Variants in TNFSF15 observed in about 807,000 individuals in gnomAD.
TNFSF15 encodes tumor necrosis factor ligand superfamily member 15.
Under a neutral mutation model 26.4 loss-of-function variants are expected in TNFSF15, and 15 were observed. That is an observed-to-expected ratio of 0.57 (90% CI 0.38 to 0.87). The LOEUF (loss-of-function observed/expected upper bound fraction) is 0.87. Among genes scored for constraint, TNFSF15 ranks in the 40% least tolerant of loss-of-function variants. The pLI is 0.00. For missense variants in TNFSF15, 290 were observed against 306.1 expected (o/e 0.95, Z 0.39); for synonymous variants, 116 against 115.0 (o/e 1.01, Z -0.06).
At position 114,790,697 on chromosome 9, in the gene TNFSF15, G is replaced by C; in HGVS notation, c.511C>G (p.Pro171Ala). 1 of 1,614,076 alleles carries C rather than the reference G, an allele frequency of 6.2e-7. No individual in the cohort carries two copies. ...ECSEIRQAGR[P>A]NKPDSITVVI... is the part of the protein sequence containing the mutation. ...ACAGTGATGGAGTCTGGCTTGTTTG[G>C]TCGGCCTGCTTGTCTGATTTCACTG... Residue 171 changes from proline to alanine, a missense_variant, in exon 4 of 4, where the codon CCA (proline) becomes GCA (alanine). Transcript: ENST00000374045.
Position 114,790,650 on chromosome 9 carries a change from G to C in TNFSF15, c.558C>G (p.Asp186Glu), listed in dbSNP as rs750502102. The change falls in exon 4 of 4, where the codon GAC (aspartate) becomes GAG (glutamate). Residue 186 changes from aspartate (D) to glutamate (E), a missense_variant. Physicochemically the swap from Asp to Glu is conservative, Grantham distance 45. Around this residue, in one of 3 missense-constraint regions of TNFSF15, gnomAD observed 102 missense variants for 114.7 expected, o/e 0.89. Transcript: ENST00000374045. ...SITVVITKVTDSYPEPTQLLM... is the reference protein window; with the variant it reads ...SITVVITKVTESYPEPTQLLM... ...GGAGCTGGGTTGGCTCAGGGTAGCT[G>C]TCTGTTACCTTGGTGATGACCACAG... 1 of 1,614,068 alleles carries C rather than the reference G, an allele frequency of 6.2e-7. No homozygotes were observed. Among genetic ancestry groups the C allele is most frequent in the Non-Finnish European group, 8.5e-7 (1 of 1,180,002 alleles).
Position 114,790,663 on chromosome 9 carries a change from G to T in TNFSF15, c.545C>A (p.Thr182Asn), listed in dbSNP as rs149700202. 3 of 1,614,046 alleles carry T rather than the reference G, an allele frequency of 1.9e-6. No homozygotes were observed. The highest frequency in any genetic ancestry group is 2.5e-6 in the Non-Finnish European group (3 of 1,180,004). The stretch of plus-strand genomic sequence containing the variant: ...CTCAGGGTAGCTGTCTGTTACCTTG[G>T]TGATGACCACAGTGATGGAGTCTGG... ...NKPDSITVVI[T>N]KVTDSYPEPT... Residue 182 changes from threonine (T) to asparagine (N), a missense_variant, in exon 4 of 4, where the codon ACC becomes AAC. Transcript: ENST00000374045.
intron 1 of TNFSF15, among the ~76,000 whole-genome samples, chr9:114,801,344 G>C (rs1829745003): frequency 6.6e-6 from 1 of 152,206 alleles, no homozygotes. Context: ...CTACAGGGCT[G>C]TCAAGTGCAG....
chr9:114,805,350 A>G (rs1829806461), intron 1 of TNFSF15, among the ~76,000 whole-genome samples: 1 of 152,206 alleles, frequency 6.6e-6, no homozygotes, highest in South Asian at 2.1e-4. Flanking sequence ...TCCGTTTTAT[A>G]TCTGGCATAT....
chr9:114,790,638 C>T lies in TNFSF15; in HGVS notation c.570G>A (p.Glu190=). Residue 190 remains glutamate, a synonymous_variant, in exon 4 of 4, where the codon GAG becomes GAA. Coordinates refer to ENST00000374045, the MANE Select transcript of TNFSF15 (RefSeq NM_005118.4). The stretch of plus-strand genomic sequence containing the variant: ...TGGTCCCCATGAGGAGCTGGGTTGG[C>T]TCAGGGTAGCTGTCTGTTACCTTGG... ...VITKVTDSYP[E]PTQLLMGTKS... The T allele has an allele frequency of 2.5e-6, 4 of 1,614,048 alleles. No homozygotes were observed. Among genetic ancestry groups the T allele is most frequent in the Non-Finnish European group, 3.4e-6 (4 of 1,180,002 alleles).
intron 1 of TNFSF15, among the ~76,000 whole-genome samples, chr9:114,801,330 C>T (rs1042895130): frequency 6.6e-6 from 1 of 152,174 alleles, no homozygotes; most frequent in Non-Finnish European, 1.5e-5. Flanking sequence ...AAAGAATGCC[C>T]AGCCTACAGG....
intron 1 of TNFSF15, among the ~76,000 whole-genome samples, chr9:114,805,487 T>C (rs374355233): frequency 6.6e-6 from 1 of 152,236 alleles, no homozygotes. Context: ...GTGTTAGTTA[T>C]GTAATTTTAA....
intron 3 of TNFSF15, chr9:114,791,259 T>C: frequency 2.4e-6 from 1 of 412,718 alleles, no homozygotes. Context: ...GCAAGAATTA[T>C]CCTTTCCCAA....
chr9:114,804,498 G>A (rs1424400172), intron 1 of TNFSF15, among the ~76,000 whole-genome samples: 1 of 152,164 alleles, frequency 6.6e-6, no homozygotes, highest in Admixed American at 6.5e-5. Context: ...CCCAGTGCAG[G>A]TTTCTGGAGG....
intron 1 of TNFSF15, among the ~76,000 whole-genome samples, chr9:114,799,410 T>C (rs1274152401): frequency 6.6e-6 from 1 of 152,242 alleles, no homozygotes; most frequent in Admixed American, 6.5e-5. Flanking sequence ...CTTTTTGGTC[T>C]TAGGACTTCA....
intron 1 of TNFSF15, among the ~76,000 whole-genome samples, chr9:114,800,077 C>T (rs996303611): frequency 2.7e-5 from 4 of 150,450 alleles, no homozygotes; most frequent in African/African-American, 9.8e-5. Flanking sequence ...CCTAATCCTT[C>T]GGAAAGAGGA....
At chr9:114,801,546 C>T (rs1019502013) in intron 1 of TNFSF15, among the ~76,000 whole-genome samples, 4 of 152,230 alleles carry the variant, frequency 2.6e-5, no homozygotes, top group East Asian at 1.9e-4. Context: ...TTTCCCTGAG[C>T]GGGGAAATTC....
intron 1 of TNFSF15, among the ~76,000 whole-genome samples, chr9:114,805,232 A>C (rs974438823): frequency 6.6e-6 from 1 of 152,228 alleles, no homozygotes; most frequent in Non-Finnish European, 1.5e-5. Context: ...TATAGCATCC[A>C]CATATAGGAA....
At chr9:114,793,980 G>A (rs77151288) in intron 1 of TNFSF15, among the ~76,000 whole-genome samples, 248 of 152,244 alleles carry the variant, frequency 1.6e-3, no homozygotes, top group African/African-American at 5.8e-3. Flanking sequence ...GAAAATAATG[G>A]CTATGTTCTC....
At chr9:114,794,426 T>C in intron 1 of TNFSF15, among the ~76,000 whole-genome samples, 1 of 152,170 alleles carries the variant, frequency 6.6e-6, no homozygotes, top group South Asian at 2.1e-4. Context: ...GGTGGGAATA[T>C]AAATTAGTAC....
intron 1 of TNFSF15, among the ~76,000 whole-genome samples, chr9:114,798,987 T>C (rs1450541260): frequency 1.3e-5 from 2 of 152,202 alleles, no homozygotes; most frequent in African/African-American, 4.8e-5. Flanking sequence ...CCAGGAGAAA[T>C]ATGCAGATGT....
At chr9:114,794,736 A>C (rs1829653957) in intron 1 of TNFSF15, among the ~76,000 whole-genome samples, 1 of 152,224 alleles carries the variant, frequency 6.6e-6, no homozygotes, top group South Asian at 2.1e-4. Flanking sequence ...ACATGGATAG[A>C]ACTGGAGGTC....
At chr9:114,805,733 C>T (rs1458588161) in intron 1 of TNFSF15, 70 bp downstream of exon 1, 1 of 1,451,724 alleles carries the variant, frequency 6.9e-7, no homozygotes, top group East Asian at 2.3e-5. Flanking sequence ...CTGTCCAGAG[C>T]TGAAATAGTT....
intron 1 of TNFSF15, among the ~76,000 whole-genome samples, chr9:114,801,680 A>C (rs1156863389): frequency 6.6e-6 from 1 of 152,256 alleles, no homozygotes; most frequent in East Asian, 1.9e-4. Flanking sequence ...CGAAAGGGTT[A>C]GGTAACATGG....
Sources: allele counts gnomAD v4.1 joint callset (sites outside exome capture counted in the v4.1 genomes callset), GRCh38; gene constraint gnomAD v4.1.1; regional missense constraint gnomAD v4.1.1; transcripts MANE v1.5; gene names NCBI Gene and HGNC (gene_info 2026-07-23, HGNC 2026-07-21).